SGCZ: variants seen among roughly 807,000 people sequenced by gnomAD.
The protein encoded by SGCZ is sarcoglycan zeta.
Under a neutral mutation model 41.3 loss-of-function variants are expected in SGCZ, and 40 were observed. The ratio of observed to expected loss-of-function variants is 0.97; its 90% CI spans 0.75 to 1.26. The LOEUF is 1.26. Ranked by LOEUF, SGCZ falls within the 50% of genes most tolerant of loss-of-function variation. The pLI, the probability that SGCZ is intolerant of heterozygous loss-of-function variation, is 0.00. For missense variants in SGCZ, 552 were observed against 369.8 expected, an observed-to-expected ratio of 1.49 and a Z score of -4.04; for synonymous variants, 206 against 137.5, an observed-to-expected ratio of 1.50 and a Z score of -3.49.
At chr8:15,138,641 T>C (rs1808205568) in intron 1 of SGCZ, among the ~76,000 whole-genome samples, 1 of 152,144 alleles carries the variant, frequency 6.6e-6, no homozygotes, top group Non-Finnish European at 1.5e-5. Context: ...ACTCATTCTC[T>C]CTCCTGCCAC....
intron 1 of SGCZ, among the ~76,000 whole-genome samples, chr8:15,062,115 T>C (rs187906227): frequency 6.6e-6 from 1 of 152,312 alleles, no homozygotes; most frequent in Non-Finnish European, 1.5e-5. Flanking sequence ...AACCTCTCCC[T>C]AAACATCCTA....
At chr8:14,337,309 C>G (rs1215152070) in intron 2 of SGCZ, among the ~76,000 whole-genome samples, 1 of 152,092 alleles carries the variant, frequency 6.6e-6, no homozygotes, top group Non-Finnish European at 1.5e-5. Flanking sequence ...TGAGTTGGCC[C>G]TGATAAGGTG....
chr8:14,511,582 T>C (rs1278042794), intron 2 of SGCZ, among the ~76,000 whole-genome samples: 2 of 152,094 alleles, frequency 1.3e-5, no homozygotes, highest in Admixed American at 1.3e-4. Flanking sequence ...AATTAAATAT[T>C]AAGATTTTTG....
chr8:14,867,198 A>C (rs59378527), intron 1 of SGCZ, among the ~76,000 whole-genome samples: 1 of 152,174 alleles, frequency 6.6e-6, no homozygotes, highest in African/African-American at 2.4e-5. Context: ...TTGTTTATGA[A>C]TTATAAGTTT....
chr8:14,617,046 G>T (rs1048622466), intron 1 of SGCZ, among the ~76,000 whole-genome samples: 1 of 151,936 alleles, frequency 6.6e-6, no homozygotes, highest in Non-Finnish European at 1.5e-5. Context: ...ATTAGGAAGA[G>T]AAAAAAATCT....
intron 2 of SGCZ, among the ~76,000 whole-genome samples, chr8:14,429,771 A>G (rs1799890767): frequency 6.6e-6 from 1 of 152,068 alleles, no homozygotes; most frequent in African/African-American, 2.4e-5. Context: ...ACATTTGTAA[A>G]CAAAGTTTTC....
intron 3 of SGCZ, among the ~76,000 whole-genome samples, chr8:14,262,766 A>T (rs1030351573): frequency 6.6e-6 from 1 of 151,866 alleles, no homozygotes; most frequent in African/African-American, 2.4e-5. Flanking sequence ...ACCTAGAATT[A>T]AAAAAATCAT....
At chr8:15,044,989 T>A (rs1018280471) in intron 1 of SGCZ, among the ~76,000 whole-genome samples, 2 of 152,138 alleles carry the variant, frequency 1.3e-5, no homozygotes, top group African/African-American at 4.8e-5. Context: ...ATCATTTTGG[T>A]TCATGATTGC....
intron 4 of SGCZ, among the ~76,000 whole-genome samples, chr8:14,197,380 G>C (rs7816129): frequency 0.7 from 105,633 of 151,850 alleles, 37,310 homozygotes; most frequent in East Asian, 0.8. Flanking sequence ...AACATCCCAA[G>C]TCTTCAATGT....
rs573305831 is a variant in SGCZ at position 14,268,530 on chromosome 8, T to C, written c.337-30851A>G. Among the ~76,000 whole-genome samples, 7 of 151,986 alleles carry C rather than the reference T, an allele frequency of 4.6e-5. No homozygotes were observed. In the East Asian group the frequency reaches 1.2e-3, roughly 25 times the overall value. On this transcript the variant is annotated intron_variant, in intron 3 of 7. Coordinates refer to ENST00000382080, the MANE Select transcript of SGCZ (RefSeq NM_139167.4). ...CTCATTGACAAGTCACAGACAGTTT[T>C]TCATAAAGCACTGGTGGTCTGCGTA... is the stretch of plus-strand genomic sequence containing the variant.
chr8:14,555,118 T>G (rs1009132856), intron 1 of SGCZ, among the ~76,000 whole-genome samples, 192 bp from the exon 2 acceptor site: 3 of 152,060 alleles, frequency 2.0e-5, no homozygotes, highest in African/African-American at 7.2e-5. Context: ...TATAGTTTTT[T>G]AGAGATGTTT....
At chr8:14,216,469 C>A (rs185947045) in intron 4 of SGCZ, among the ~76,000 whole-genome samples, 9 of 152,276 alleles carry the variant, frequency 5.9e-5, no homozygotes, top group Admixed American at 1.3e-4. Flanking sequence ...CACAAACAAA[C>A]TTCCTAGAGT....
rs529200637 is a variant in SGCZ at position 14,441,631 on chromosome 8, G to A, written c.234+113101C>T. The stretch of plus-strand genomic sequence containing the variant: ...TGATCATTTCATTTCTGGAGTTAGA[G>A]TTCTCCTCTCAAGGCTTTTCAGATT... On this transcript the variant is annotated intron_variant, in intron 2 of 7. Coordinates refer to ENST00000382080, the MANE Select transcript of SGCZ (RefSeq NM_139167.4). Among the ~76,000 whole-genome samples the A allele has an allele frequency of 3.3e-5, 5 of 152,218 alleles. No individual in the cohort carries two copies. In the East Asian group the frequency reaches 9.7e-4, roughly 29 times the overall value.
chr8:15,189,043 G>C (rs1333488378), intron 1 of SGCZ, among the ~76,000 whole-genome samples: 1 of 152,086 alleles, frequency 6.6e-6, no homozygotes. Context: ...ACTATTAAAA[G>C]CTTGGTACAC....
intron 1 of SGCZ, among the ~76,000 whole-genome samples, chr8:15,060,270 A>C (rs1246847006): frequency 6.6e-6 from 1 of 152,086 alleles, no homozygotes; most frequent in Non-Finnish European, 1.5e-5. Flanking sequence ...GAACCAACCC[A>C]CATGTCCAAA....
At chr8:14,550,709 G>C (rs1006870783) in intron 2 of SGCZ, among the ~76,000 whole-genome samples, 2 of 151,906 alleles carry the variant, frequency 1.3e-5, no homozygotes, top group Non-Finnish European at 2.9e-5. Context: ...TGGGATTGCT[G>C]GTAACCTTGC....
At chr8:14,408,859 T>G (rs902359576) in intron 2 of SGCZ, among the ~76,000 whole-genome samples, 3 of 152,190 alleles carry the variant, frequency 2.0e-5, no homozygotes, top group African/African-American at 7.2e-5. Flanking sequence ...GATTGAGACC[T>G]TCTCTGAATT....
At chr8:15,074,633 G>A (rs989588214) in intron 1 of SGCZ, among the ~76,000 whole-genome samples, 34 of 151,866 alleles carry the variant, frequency 2.2e-4, no homozygotes, top group African/African-American at 8.2e-4. Context: ...CTCCCACCAT[G>A]AAAATTTACC....
At chr8:14,693,488 C>A (rs979490344) in intron 1 of SGCZ, among the ~76,000 whole-genome samples, 1 of 148,888 alleles carries the variant, frequency 6.7e-6, no homozygotes, top group African/African-American at 2.5e-5. Context: ...GACAGGGTTT[C>A]ACCATGTTGG....
Sources: gnomAD v4.1 joint callset for allele counts (sites outside exome capture counted in the v4.1 genomes callset) on GRCh38, gnomAD v4.1.1 for gene constraint, MANE v1.5 for transcripts, NCBI Gene and HGNC (gene_info 2026-07-23, HGNC 2026-07-21) for gene names.